Variants in TBL1X observed in about 807,000 individuals in gnomAD.
TBL1X encodes F-box-like/WD repeat-containing protein TBL1X.
Under a neutral mutation model 50.7 loss-of-function variants are expected in TBL1X, and 10 were observed. That is an observed-to-expected ratio of 0.20 (90% confidence interval 0.12 to 0.33). TBL1X has a LOEUF of 0.33. Ranked by LOEUF, TBL1X falls within the 10% of genes least tolerant of loss-of-function variation. The probability of loss-of-function intolerance (pLI) is 1.00; values close to 1 mark genes in which losing one functional copy is unlikely to be tolerated. For synonymous variants in TBL1X, 190 were observed against 214.7 expected (o/e 0.88, Z 1.01); for missense variants, 340 against 504.4 (o/e 0.67, Z 3.12).
chrX:9,563,920 TTAGAACATTA>T (rs1299298722), intron 2 of TBL1X, among the ~76,000 whole-genome samples: 8 of 112,465 alleles, frequency 7.1e-5, no homozygotes, highest in African/African-American at 2.3e-4. Flanking sequence ...TCATGACATA[TTAGAACATTA>T]GCATAAAGGA....
At chrX:9,653,718 C>A (rs1430942156) in intron 4 of TBL1X, 29 bp downstream of exon 4, 12 of 1,136,264 alleles carry the variant, frequency 1.1e-5, no homozygotes, top group Middle Eastern at 4.9e-4. Context: ...TGGCCAGGAC[C>A]GTGTGGTCAC....
chrX:9,655,141 C>A (rs777460684), intron 5 of TBL1X, among the ~76,000 whole-genome samples: 1 of 111,160 alleles, frequency 9.0e-6, no homozygotes, highest in Admixed American at 9.6e-5. Flanking sequence ...TTTTCCTAAG[C>A]GACATACGGT....
intron 2 of TBL1X, among the ~76,000 whole-genome samples, chrX:9,530,229 G>C (rs1479156344): frequency 8.9e-6 from 1 of 112,096 alleles, no homozygotes; most frequent in Non-Finnish European, 1.9e-5. Context: ...TCTCCCATCT[G>C]TCTCCTTTGC....
intron 5 of TBL1X, among the ~76,000 whole-genome samples, chrX:9,657,296 C>T (rs1371000735): frequency 1.8e-5 from 2 of 112,354 alleles, no homozygotes; most frequent in African/African-American, 6.5e-5. Flanking sequence ...GGTACAGTGA[C>T]GGACAAGTTT....
At chrX:9,492,469 G>A (rs2146942190) in intron 1 of TBL1X, among the ~76,000 whole-genome samples, 1 of 111,888 alleles carries the variant, frequency 8.9e-6, no homozygotes, top group East Asian at 2.8e-4. Flanking sequence ...CCAAGTGCAG[G>A]ACTAACAGTT....
intron 6 of TBL1X, 42 bp from the exon 7 acceptor site, chrX:9,687,975 A>G (rs773812511): frequency 8.5e-7 from 1 of 1,169,688 alleles, no homozygotes; most frequent in Non-Finnish European, 1.1e-6. Context: ...CAGAGCCCTC[A>G]CCCCCGTGAG....
intron 2 of TBL1X, among the ~76,000 whole-genome samples, chrX:9,590,373 T>TA (rs199833403): frequency 1.8e-5 from 2 of 109,286 alleles, no homozygotes; most frequent in African/African-American, 3.4e-5. Context: ...TTTTTTTTTT[T>TA]AAAAAAGTCA....
chrX:9,603,994 A>G (rs1454316815), intron 2 of TBL1X, among the ~76,000 whole-genome samples: 1 of 111,387 alleles, frequency 9.0e-6, no homozygotes, highest in Non-Finnish European at 1.9e-5. Flanking sequence ...ACCTCATTTT[A>G]CTTTAACTAA....
chrX:9,700,356 G>A (rs752781089), intron 12 of TBL1X, among the ~76,000 whole-genome samples: 1 of 111,876 alleles, frequency 8.9e-6, no homozygotes, highest in Non-Finnish European at 1.9e-5. Context: ...TGTGTCTTAA[G>A]AATTCATCTG....
At chrX:9,669,801 T>C (rs553833339) in intron 5 of TBL1X, among the ~76,000 whole-genome samples, 4 of 111,387 alleles carry the variant, frequency 3.6e-5, no homozygotes, top group Middle Eastern at 4.7e-3. Flanking sequence ...TTTTCCATCT[T>C]CATAGCCCAC....
chrX:9,705,455 C>T (rs1485396846), intron 13 of TBL1X, among the ~76,000 whole-genome samples: 1 of 111,129 alleles, frequency 9.0e-6, no homozygotes, highest in African/African-American at 3.3e-5. Context: ...AAAAAAAAAT[C>T]ATTAAAAAAC....
intron 2 of TBL1X, among the ~76,000 whole-genome samples, chrX:9,509,219 C>CT (rs1464293633): frequency 9.4e-6 from 1 of 106,257 alleles, no homozygotes; most frequent in Non-Finnish European, 1.9e-5. Flanking sequence ...AACACCGTCT[C>CT]TACTAAAAAA....
At chrX:9,696,430 G>C (rs751250688) in intron 11 of TBL1X, among the ~76,000 whole-genome samples, 28 of 112,949 alleles carry the variant, frequency 2.5e-4, no homozygotes, top group African/African-American at 7.4e-4. Context: ...GAGGTGTAAA[G>C]TTTCCAATTA....
chrX:9,692,808 T>C (rs2083107036), intron 9 of TBL1X, among the ~76,000 whole-genome samples: 1 of 112,551 alleles, frequency 8.9e-6, no homozygotes, highest in African/African-American at 3.2e-5. Flanking sequence ...CTTAGCAAAA[T>C]GAGCCTGTGG....
intron 11 of TBL1X, among the ~76,000 whole-genome samples, chrX:9,695,953 C>T (rs181709044): frequency 3.6e-5 from 4 of 112,264 alleles, no homozygotes; most frequent in African/African-American, 1.3e-4. Context: ...GGGTACGATC[C>T]ACCATCATTA....
Position 9,503,257 on chromosome X carries a change from G to A in TBL1X, c.-131+1408G>A, listed in dbSNP as rs762023398. On this transcript the variant is annotated intron_variant, in intron 2 of 17. Coordinates refer to ENST00000645353, the MANE Select transcript of TBL1X (RefSeq NM_005647.4). ...GATAAGGCAGGAGGTGAGTGAGCAC[G>A]CTACCCAGCCGGGGAAACTGCTTTT... Among the ~76,000 whole-genome samples the A allele has an allele frequency of 1.2e-4, 13 of 112,248 alleles. 1 individual carries two copies. The highest frequency in any genetic ancestry group is 4.2e-4 in the African/African-American group (13 of 30,914).
intron 12 of TBL1X, among the ~76,000 whole-genome samples, chrX:9,701,451 G>A (rs1205134200): frequency 9.2e-6 from 1 of 108,634 alleles, no homozygotes; most frequent in African/African-American, 3.4e-5. Flanking sequence ...CTGAGCACGG[G>A]GGAGCCTCTC....
chrX:9,485,829 G>A lies in TBL1X; in HGVS notation c.-200-15951G>A, dbSNP rs763285733. Among the ~76,000 whole-genome samples the A allele has an allele frequency of 6.2e-5, 7 of 112,214 alleles. No homozygotes were observed. The South Asian group carries it at 2.6e-3, about 42-fold the overall frequency. The stretch of plus-strand genomic sequence containing the variant: ...ACGAAAGGGGGCCAATTTGCCTTTC[G>A]GGTGTCTGATCTAACAAGCCTTGGA... On this transcript the variant is annotated intron_variant, in intron 1 of 17. Coordinates refer to ENST00000645353, the MANE Select transcript of TBL1X (RefSeq NM_005647.4).
At chrX:9,703,802 A>G (rs1394708958) in intron 12 of TBL1X, among the ~76,000 whole-genome samples, 1 of 111,992 alleles carries the variant, frequency 8.9e-6, no homozygotes, top group Non-Finnish European at 1.9e-5. Flanking sequence ...GAAGCCGTCA[A>G]CCTGCAGCTG....
Sources: allele counts gnomAD v4.1 joint callset (sites outside exome capture counted in the v4.1 genomes callset), GRCh38; gene constraint gnomAD v4.1.1; transcripts MANE v1.5; gene names NCBI Gene and HGNC (gene_info 2026-07-23, HGNC 2026-07-21).